IGF1: variants seen among roughly 807,000 people sequenced by gnomAD.
IGF1 encodes the protein insulin like growth factor 1.
IGF1 carries 4 observed loss-of-function variants against 13.8 expected under a neutral mutation model. The ratio of observed to expected loss-of-function variants is 0.29; its 90% CI spans 0.14 to 0.66. The LOEUF (loss-of-function observed/expected upper bound fraction) is 0.66, where lower values mean the gene tolerates loss of function less well. Ranked by LOEUF, IGF1 falls within the 30% of genes least tolerant of loss-of-function variation. The pLI is 0.78. For synonymous variants in IGF1, 76 were observed against 72.6 expected, an observed-to-expected ratio of 1.05 and a Z score of -0.23; for missense variants, 124 against 188.5, an observed-to-expected ratio of 0.66 and a Z score of 2.00.
intron 2 of IGF1, among the ~76,000 whole-genome samples, chr12:102,466,480 T>G (rs1880329106): frequency 6.6e-6 from 1 of 152,188 alleles, no homozygotes; most frequent in Non-Finnish European, 1.5e-5. Context: ...TATCGTATAA[T>G]GCACAGGGCA....
At chr12:102,431,259 A>G (rs1021508429) in intron 2 of IGF1, among the ~76,000 whole-genome samples, 1 of 152,214 alleles carries the variant, frequency 6.6e-6, no homozygotes, top group Non-Finnish European at 1.5e-5. Context: ...GAACGCTTGA[A>G]AAGACTCAAA....
rs1873607897 is a variant in IGF1, at chr12:102,400,604, A to T, written c.*1903T>A. 1 of 152,228 alleles carries T rather than the reference A, an allele frequency of 6.6e-6. No individual in the cohort carries two copies. The highest frequency in any genetic ancestry group is 2.4e-5 in the African/African-American group (1 of 41,476). 9.4% of individuals were successfully genotyped at this position (152,228 alleles called of 1,614,324 possible). A position where few individuals can be genotyped will look rare whatever the true frequency, so the allele number is the denominator to read the frequency against. ...GAATAAGAGTAAAGTTTGTTAAAGA[A>T]GATAACTTTGTGACTTTTTATTAGA... On this transcript the variant is annotated 3_prime_UTR_variant, in exon 4 of 4. Transcript: ENST00000337514.
chr12:102,427,183 G>A (rs566538965), intron 2 of IGF1, among the ~76,000 whole-genome samples: 5 of 152,266 alleles, frequency 3.3e-5, no homozygotes, highest in East Asian at 1.9e-4. Flanking sequence ...AATCGCATAC[G>A]TGGGCCTTAG....
intron 2 of IGF1, among the ~76,000 whole-genome samples, chr12:102,465,762 C>A (rs544248839): frequency 1.3e-5 from 2 of 152,096 alleles, no homozygotes; most frequent in East Asian, 3.9e-4. Flanking sequence ...CATGGTGAAA[C>A]CCCGTCTCTA....
chr12:102,428,245 T>TATATATATATA (rs1411857680), intron 2 of IGF1, among the ~76,000 whole-genome samples: 1 of 140,732 alleles, frequency 7.1e-6, no homozygotes, highest in Admixed American at 7.3e-5. Context: ...TGTATATATA[T>TATATATATATA]ATATGGCATA....
intron 2 of IGF1, among the ~76,000 whole-genome samples, chr12:102,460,782 A>T (rs190385002): frequency 6.6e-6 from 1 of 152,342 alleles, no homozygotes; most frequent in East Asian, 1.9e-4. Context: ...TATTAAAATA[A>T]TATGCATTAA....
intron 2 of IGF1, among the ~76,000 whole-genome samples, chr12:102,427,423 A>G (rs1252296592): frequency 6.6e-6 from 1 of 152,230 alleles, no homozygotes; most frequent in Non-Finnish European, 1.5e-5. Flanking sequence ...TGAATCAGCC[A>G]AAGGGATATT....
At chr12:102,408,812 T>C (rs957302182) in intron 3 of IGF1, among the ~76,000 whole-genome samples, 7 of 152,212 alleles carry the variant, frequency 4.6e-5, no homozygotes, top group Non-Finnish European at 1.0e-4. Flanking sequence ...CCTTAGACCA[T>C]AGACCCACCA....
At chr12:102,461,945 T>TTA (rs1322568440) in intron 2 of IGF1, among the ~76,000 whole-genome samples, 1 of 152,206 alleles carries the variant, frequency 6.6e-6, no homozygotes, top group Non-Finnish European at 1.5e-5. Context: ...CAAGTACCTC[T>TTA]TACTTCCTGC....
intron 2 of IGF1, among the ~76,000 whole-genome samples, chr12:102,455,316 G>C (rs760602031): frequency 3.9e-5 from 6 of 152,212 alleles, no homozygotes; most frequent in Non-Finnish European, 8.8e-5. Context: ...CTTCTGATGA[G>C]AGCTGGGCTG....
chr12:102,396,562 C>G lies in IGF1; in HGVS notation c.*5945G>C. The G allele has an allele frequency of 3.9e-6, 1 of 254,526 alleles. No individual in the cohort carries two copies. The highest frequency in any genetic ancestry group is 7.4e-6 in the Non-Finnish European group (1 of 135,612). 15.8% of individuals were successfully genotyped at this position (254,526 alleles called of 1,614,324 possible). On this transcript the variant is annotated 3_prime_UTR_variant, in exon 4 of 4. Transcript: ENST00000337514. ...GGGTGGCTTGAAAGGGATTTTAGAG[C>G]TCTGTTTTTATTTTTCCTACTTTAC...
chr12:102,417,625 A>AT (rs1336704861), intron 3 of IGF1: 9 of 1,339,692 alleles, frequency 6.7e-6, no homozygotes, highest in African/African-American at 4.7e-5. Flanking sequence ...AGGGCATTAC[A>AT]TTTTTCTTTT....
intron 2 of IGF1, among the ~76,000 whole-genome samples, chr12:102,473,456 C>A (rs1350037490): frequency 1.3e-5 from 2 of 152,048 alleles, no homozygotes; most frequent in African/African-American, 4.8e-5. Context: ...TAAGATTGTC[C>A]AGTTGACTAG....
In IGF1 at chr12:102,448,598, A is replaced by C. The variant is rs796183545; in HGVS notation, c.220+27045T>G. 9.3e-4 allele frequency among the ~76,000 whole-genome samples: 138 copies of C among 147,678 alleles called. 2 individuals carry two copies. The highest frequency in any genetic ancestry group is 3.3e-3 in the African/African-American group (131 of 40,186). On this transcript the variant is annotated intron_variant, in intron 2 of 3. Coordinates refer to ENST00000337514, the MANE Select transcript of IGF1 (RefSeq NM_000618.5). Reference sequence around the variant, plus strand: ...AGATATACCTAATGCTAGATGACACATTAGTGGGTGCAGCGTACCAGCATG... The same window carrying C: ...AGATATACCTAATGCTAGATGACACCTTAGTGGGTGCAGCGTACCAGCATG...
chr12:102,432,875 CATAA>C (rs773869529), intron 2 of IGF1, among the ~76,000 whole-genome samples: 2 of 150,460 alleles, frequency 1.3e-5, no homozygotes, highest in Non-Finnish European at 3.0e-5. Flanking sequence ...TACATACATA[CATAA>C]ATACATAAAC....
intron 3 of IGF1, among the ~76,000 whole-genome samples, chr12:102,405,631 T>G (rs941576131): frequency 4.6e-5 from 7 of 152,194 alleles, no homozygotes; most frequent in African/African-American, 1.4e-4. Context: ...GAATTTTACC[T>G]TTTGTTTTTC....
chr12:102,470,062 CAGAAG>C (rs1256198904), intron 2 of IGF1, among the ~76,000 whole-genome samples: 2 of 152,168 alleles, frequency 1.3e-5, no homozygotes, highest in African/African-American at 4.8e-5. Context: ...CAATTGATCT[CAGAAG>C]AGAATAATTA....
rs555046872 is a variant in IGF1 at position 102,401,074 on chromosome 12, A to C, written c.*1433T>G. On this transcript the variant is annotated 3_prime_UTR_variant, in exon 4 of 4. Transcript: ENST00000337514. ...TCTCTAGCTATGCTATGAATGGGTT[A>C]TTTATAGAATTCCTTGCATCTCAGC... 3 of 152,346 alleles carry C rather than the reference A, an allele frequency of 2.0e-5. No homozygotes were observed. The highest frequency in any genetic ancestry group is 7.2e-5 in the African/African-American group (3 of 41,586). 9.4% of individuals were successfully genotyped at this position (152,346 alleles called of 1,614,324 possible). A position where few individuals can be genotyped will look rare whatever the true frequency, so the allele number is the denominator to read the frequency against.
chr12:102,397,899 T>G lies in IGF1; in HGVS notation c.*4608A>C, dbSNP rs1168860475. The G allele has an allele frequency of 6.6e-6, 1 of 152,208 alleles. No homozygotes were observed. The highest frequency in any genetic ancestry group is 1.5e-5 in the Non-Finnish European group (1 of 68,020). The allele number at this position is 152,208 out of a possible 1,614,324, so 9.4% of individuals were successfully genotyped here. A position where few individuals can be genotyped will look rare whatever the true frequency, so the allele number is the denominator to read the frequency against. ...ATAAATTAGCACAATCTTTTAAGAT[T>G]AAAAATAGCAAAACATTTTAAATAG... On this transcript the variant is annotated 3_prime_UTR_variant, in exon 4 of 4. Coordinates refer to ENST00000337514, the MANE Select transcript of IGF1 (RefSeq NM_000618.5).
Sources: gnomAD v4.1 joint callset for allele counts (sites outside exome capture counted in the v4.1 genomes callset) on GRCh38, gnomAD v4.1.1 for gene constraint, MANE v1.5 for transcripts, NCBI Gene and HGNC (gene_info 2026-07-23, HGNC 2026-07-21) for gene names.